Variants in ZFP62 observed in about 807,000 individuals in gnomAD.
The protein encoded by ZFP62 is zinc finger protein 62 homolog.
In ZFP62, 44 loss-of-function variants were observed where a neutral mutation model predicts 56.4. The ratio of observed to expected loss-of-function variants is 0.78; its 90% CI spans 0.61 to 1.00. The LOEUF is 1.00. Among genes scored for constraint, ZFP62 ranks in the 50% least tolerant of loss-of-function variants. The pLI, the probability that ZFP62 is intolerant of heterozygous loss-of-function variation, is 0.00. For synonymous variants in ZFP62, 421 were observed against 388.9 expected, an observed-to-expected ratio of 1.08 and a Z score of -0.97; for missense variants, 1,030 against 1,085.7, an observed-to-expected ratio of 0.95 and a Z score of 0.72.
chr5:180,838,778 C>T, the ZFP62 span, among the ~76,000 whole-genome samples: 2 of 152,062 alleles, frequency 1.3e-5, no homozygotes, highest in Non-Finnish European at 2.9e-5. Flanking sequence ...TTGATAATAC[C>T]TAGTGTTTGT....
the ZFP62 span, among the ~76,000 whole-genome samples, chr5:180,826,982 AG>A: frequency 1.3e-5 from 2 of 152,192 alleles, no homozygotes; most frequent in Non-Finnish European, 2.9e-5. Context: ...CCATAAATTG[AG>A]TGCTGGGGAA....
At chr5:180,851,634 G>A (rs1167338109) in intron 1 of ZFP62, 141 bp from the exon 2 acceptor site, 31 of 1,009,252 alleles carry the variant, frequency 3.1e-5, no homozygotes, top group Middle Eastern at 2.8e-4. Context: ...GCCATGTACC[G>A]GTTTTTAAGT....
At chr5:180,830,408 T>C in the ZFP62 span, 1 of 152,460 alleles carries the variant, frequency 6.6e-6, no homozygotes, top group Middle Eastern at 3.1e-3. Flanking sequence ...AGCAACCTTC[T>C]TAGATCAAGG....
downstream of ZFP62, chr5:180,845,816 A>G: frequency 1.0e-6 from 1 of 985,382 alleles, no homozygotes; most frequent in Non-Finnish European, 1.2e-6. Context: ...CCCACGGAGG[A>G]AAATTCCCCT....
downstream of ZFP62, chr5:180,845,652 A>T: frequency 4.3e-6 from 4 of 940,086 alleles, no homozygotes; most frequent in Non-Finnish European, 5.1e-6. Flanking sequence ...GGAGAAGAGA[A>T]ATGAAGGGTC....
chr5:180,841,634 G>A, the ZFP62 span, among the ~76,000 whole-genome samples: 1 of 152,150 alleles, frequency 6.6e-6, no homozygotes, highest in Non-Finnish European at 1.5e-5. Flanking sequence ...CAGAGAATAG[G>A]TGACACACTC....
At chr5:180,856,451 C>G (rs763336279) in intron 1 of ZFP62, among the ~76,000 whole-genome samples, 1 of 152,088 alleles carries the variant, frequency 6.6e-6, no homozygotes, top group Non-Finnish European at 1.5e-5. Context: ...TTAAGTTATC[C>G]TTATAAACAA....
At position 180,851,246 on chromosome 5, in the gene ZFP62, T is replaced by A. The variant is rs1773693948; in HGVS notation, c.249A>T (p.Thr83=). ...TCTCAGATGCCTCACCTTCCTGTTC[T>A]GTCTTTATATTTGCTGTACTCTTGG... is the stretch of plus-strand genomic sequence containing the variant. The part of the protein sequence containing the change: ...SKAKSTANIK[T]EQEGEASEKS... Residue 83 remains threonine (T), a synonymous_variant, in exon 2 of 2, where the codon ACA becomes ACT. Transcript: ENST00000502412. 1.3e-6 allele frequency: 2 copies of A among 1,551,602 alleles called. No individual in the cohort carries two copies. Among genetic ancestry groups the A allele is most frequent in the Non-Finnish European group, 1.7e-6 (2 of 1,147,002 alleles).
At chr5:180,845,180 CAA>C (rs1285946538), downstream of ZFP62, among the ~76,000 whole-genome samples, 5 of 151,566 alleles carry the variant, frequency 3.3e-5, no homozygotes, top group Non-Finnish European at 7.4e-5. Flanking sequence ...CCAAAAATAC[CAA>C]AGTTAGCCTG....
chr5:180,849,681 G>T lies in ZFP62; in HGVS notation c.1814C>A (p.Thr605Lys), dbSNP rs552092275. The change falls in exon 2 of 2, where the codon ACA becomes AAA. Residue 605 changes from threonine (T) to lysine (K), a missense_variant. Physicochemically the swap from Thr to Lys is moderately conservative, Grantham distance 78. Coordinates refer to ENST00000502412, the MANE Select transcript of ZFP62 (RefSeq NM_001172638.2). ...CCCAAGATGAACTTTTTTGTGGTTT[G>T]TAAGGGTTCGGTATGTGATGAAGGC... ...EKAFITYRTLTNHKKVHLGEK... is the reference protein window; with the variant it reads ...EKAFITYRTLKNHKKVHLGEK... The T allele has an allele frequency of 3.9e-6, 6 of 1,550,830 alleles. No individual in the cohort carries two copies. The African/African-American group carries it at 5.5e-5, about 14-fold the overall frequency.
At chr5:180,840,768 A>G in the ZFP62 span, among the ~76,000 whole-genome samples, 131 of 147,336 alleles carry the variant, frequency 8.9e-4, no homozygotes, top group Admixed American at 1.4e-3. Flanking sequence ...TCAAAAAAAA[A>G]ATAGAAGTAG....
the ZFP62 span, chr5:180,832,799 C>G: frequency 6.6e-5 from 10 of 152,176 alleles, no homozygotes; most frequent in Non-Finnish European, 8.8e-5. Flanking sequence ...TCTCAGCCAC[C>G]CAGACTTCCT....
intron 1 of ZFP62, among the ~76,000 whole-genome samples, chr5:180,855,660 A>G (rs927053860): frequency 2.6e-5 from 4 of 152,098 alleles, no homozygotes; most frequent in Admixed American, 6.5e-5. Context: ...TAAATCAGAA[A>G]TGGGCTACTT....
chr5:180,853,166 G>A (rs1369855710), intron 1 of ZFP62, among the ~76,000 whole-genome samples: 1 of 152,146 alleles, frequency 6.6e-6, no homozygotes, highest in African/African-American at 2.4e-5. Flanking sequence ...GCAAAATCTG[G>A]AAACCTACAT....
rs142615182 is a variant in ZFP62, at chr5:180,850,163, G to A, written c.1332C>T (p.Thr444=). 2.0e-4 allele frequency: 307 copies of A among 1,551,736 alleles called. No individual in the cohort carries two copies. The African/African-American group carries it at 3.4e-3, about 17-fold the overall frequency. Residue 444 remains threonine (T), a synonymous_variant, in exon 2 of 2, where the codon ACC becomes ACT. Coordinates refer to ENST00000502412, the MANE Select transcript of ZFP62 (RefSeq NM_001172638.2). The part of the protein sequence containing the change: ...SLLLQHRTIH[T]GERPYVCDVC... Reference sequence around the variant, plus strand: ...CATCACATACATAAGGTCTCTCTCCGGTATGAATAGTTCTGTGTTGAAGAA... The same window carrying A: ...CATCACATACATAAGGTCTCTCTCCAGTATGAATAGTTCTGTGTTGAAGAA...
At chr5:180,826,995 G>C in the ZFP62 span, among the ~76,000 whole-genome samples, 40 of 152,184 alleles carry the variant, frequency 2.6e-4, no homozygotes, top group Admixed American at 2.6e-3. Flanking sequence ...GCTGGGGAAG[G>C]CTTGGTGTAG....
chr5:180,828,639 ATTGTG>A, the ZFP62 span, among the ~76,000 whole-genome samples: 16 of 152,324 alleles, frequency 1.1e-4, no homozygotes, highest in African/African-American at 3.6e-4. Flanking sequence ...CACTATGATA[ATTGTG>A]TTAACTGTAC....
rs1773539147 is a variant in ZFP62 at position 180,849,159 on chromosome 5, T to G, written c.2336A>C (p.His779Pro). The G allele has an allele frequency of 6.4e-7, 1 of 1,564,096 alleles. No individual in the cohort carries two copies. ...SSGLTVHKRI[H>P]TGEKPYECDE... Reference sequence around the variant, plus strand: ...ACATTCATAGGGTTTCTCACCTGTGTGGATCCTTTTATGCACTGTGAGGCC... The same window carrying G: ...ACATTCATAGGGTTTCTCACCTGTGGGGATCCTTTTATGCACTGTGAGGCC... Residue 779 changes from histidine to proline, a missense_variant, in exon 2 of 2, where the codon CAC becomes CCC. Transcript: ENST00000502412.
chr5:180,840,593 C>A, the ZFP62 span, among the ~76,000 whole-genome samples: 4 of 151,880 alleles, frequency 2.6e-5, no homozygotes, highest in African/African-American at 9.7e-5. Context: ...CCCATCTCTA[C>A]TAAAAATACA....
Sources: gnomAD v4.1 joint callset for allele counts (sites outside exome capture counted in the v4.1 genomes callset) on GRCh38, gnomAD v4.1.1 for gene constraint, MANE v1.5 for transcripts, NCBI Gene and HGNC (gene_info 2026-07-23, HGNC 2026-07-21) for gene names.